Variants in TMTC2 observed in about 807,000 individuals in gnomAD.
TMTC2 encodes transmembrane O-mannosyltransferase targeting cadherins 2, also known as protein O-mannosyl-transferase TMTC2.
In TMTC2, 43 loss-of-function variants were observed where a neutral mutation model predicts 82.4. The ratio of observed to expected loss-of-function variants is 0.52; its 90% CI spans 0.41 to 0.67. The LOEUF (loss-of-function observed/expected upper bound fraction) is 0.67, where lower values mean the gene tolerates loss of function less well. Ranked by LOEUF, TMTC2 falls within the 30% of genes least tolerant of loss-of-function variation. The probability of loss-of-function intolerance (pLI) is 0.00; values close to 1 mark genes in which losing one functional copy is unlikely to be tolerated. For synonymous variants in TMTC2, 408 were observed against 381.9 expected (o/e 1.07, Z -0.80); for missense variants, 919 against 1,012.4 (o/e 0.91, Z 1.25).
intron 9 of TMTC2, among the ~76,000 whole-genome samples, chr12:83,038,392 C>G (rs1188703024): frequency 6.6e-6 from 1 of 152,032 alleles, no homozygotes; most frequent in Non-Finnish European, 1.5e-5. Flanking sequence ...TCAAGCTGCT[C>G]TAACACATAT....
At chr12:83,082,653 G>C (rs887009233) in intron 11 of TMTC2, among the ~76,000 whole-genome samples, 5 of 152,132 alleles carry the variant, frequency 3.3e-5, no homozygotes, top group African/African-American at 1.2e-4. Flanking sequence ...TACAATAACA[G>C]CATCAAATTT....
chr12:83,015,819 C>T (rs1014549384), intron 8 of TMTC2, among the ~76,000 whole-genome samples: 2 of 152,134 alleles, frequency 1.3e-5, no homozygotes, highest in African/African-American at 2.4e-5. Context: ...TGGTCCAGTC[C>T]GGCGATACGC....
chr12:82,704,230 A>G (rs1196510172), intron 1 of TMTC2, among the ~76,000 whole-genome samples: 1 of 152,176 alleles, frequency 6.6e-6, no homozygotes, highest in Non-Finnish European at 1.5e-5. Context: ...TTAAGTTTAA[A>G]TTTTTATTTT....
chr12:82,934,906 C>A (rs950309857), intron 4 of TMTC2, among the ~76,000 whole-genome samples: 3 of 151,932 alleles, frequency 2.0e-5, no homozygotes, highest in Non-Finnish European at 4.4e-5. Flanking sequence ...TTTTAATGAT[C>A]GTCATTGTAA....
rs541167550 is a variant in TMTC2, at chr12:82,801,005, G to A, written c.84-56005G>A. 1.6e-3 allele frequency among the ~76,000 whole-genome samples: 241 copies of A among 152,214 alleles called. 3 individuals carry two copies. The highest frequency in any genetic ancestry group is 4.4e-3 in the South Asian group (21 of 4,818). On this transcript the variant is annotated intron_variant, in intron 1 of 11. Transcript: ENST00000321196. The stretch of plus-strand genomic sequence containing the variant: ...ACTTTTATGTATTTGTTTCTCAACA[G>A]TATTTATTTATAAACCTTTTAAAAA...
intron 1 of TMTC2, among the ~76,000 whole-genome samples, chr12:82,818,321 T>C (rs1868873230): frequency 6.6e-6 from 1 of 152,134 alleles, no homozygotes; most frequent in Non-Finnish European, 1.5e-5. Flanking sequence ...TTCTTCTCAG[T>C]ATAAGTTTTC....
chr12:82,943,409 C>A (rs1450183323), intron 4 of TMTC2, among the ~76,000 whole-genome samples: 2 of 152,134 alleles, frequency 1.3e-5, no homozygotes, highest in Non-Finnish European at 2.9e-5. Context: ...TTTTCCAGAG[C>A]TTTCAAAGTT....
At chr12:82,723,274 T>C (rs951969878) in intron 1 of TMTC2, among the ~76,000 whole-genome samples, 3 of 152,200 alleles carry the variant, frequency 2.0e-5, no homozygotes, top group African/African-American at 7.2e-5. Flanking sequence ...CCAGGGACTC[T>C]CCTAGTGGTT....
At chr12:82,803,794 C>T (rs1033569214) in intron 1 of TMTC2, among the ~76,000 whole-genome samples, 5 of 152,034 alleles carry the variant, frequency 3.3e-5, no homozygotes, top group Non-Finnish European at 7.4e-5. Flanking sequence ...ACATATAAAA[C>T]CCCAAATCAA....
chr12:82,810,202 A>G (rs1879428673), intron 1 of TMTC2, among the ~76,000 whole-genome samples: 1 of 151,000 alleles, frequency 6.6e-6, no homozygotes, highest in Non-Finnish European at 1.5e-5. Flanking sequence ...GCATAGAAAA[A>G]GTGGACTTTT....
intron 2 of TMTC2, among the ~76,000 whole-genome samples, chr12:82,889,241 C>T (rs1330418178): frequency 2.0e-5 from 3 of 150,008 alleles, no homozygotes; most frequent in Non-Finnish European, 4.4e-5. Flanking sequence ...CGTACCATTG[C>T]ACTCCAGCCT....
At chr12:82,993,867 G>A (rs930095750) in intron 8 of TMTC2, among the ~76,000 whole-genome samples, 1 of 152,162 alleles carries the variant, frequency 6.6e-6, no homozygotes, top group Non-Finnish European at 1.5e-5. Context: ...AGGGAGCAAT[G>A]GGCAAGACAG....
chr12:83,061,675 T>A, intron 10 of TMTC2, 93 bp from the exon 11 acceptor site: 1 of 1,172,682 alleles, frequency 8.5e-7, no homozygotes, highest in Non-Finnish European at 1.1e-6. Context: ...TGACCAGAAT[T>A]TTTTTAAAAA....
chr12:82,978,695 A>G (rs1476056875), intron 7 of TMTC2, among the ~76,000 whole-genome samples: 2 of 151,794 alleles, frequency 1.3e-5, no homozygotes, highest in South Asian at 2.1e-4. Context: ...GTAAATATCT[A>G]TTAGATCCAT....
intron 1 of TMTC2, among the ~76,000 whole-genome samples, chr12:82,767,626 G>A (rs1314809198): frequency 1.3e-5 from 2 of 151,972 alleles, no homozygotes; most frequent in Non-Finnish European, 2.9e-5. Context: ...CTGGATGTTG[G>A]TCAGTTTTTA....
At chr12:82,750,543 A>G (rs2136965165) in intron 1 of TMTC2, among the ~76,000 whole-genome samples, 1 of 152,022 alleles carries the variant, frequency 6.6e-6, no homozygotes, top group South Asian at 2.1e-4. Flanking sequence ...TGATATGTAG[A>G]GAGGTTTTTT....
At chr12:82,792,553 A>G (rs781672732) in intron 1 of TMTC2, among the ~76,000 whole-genome samples, 1 of 151,950 alleles carries the variant, frequency 6.6e-6, no homozygotes, top group African/African-American at 2.4e-5. Context: ...TGCAGCCTCA[A>G]CTTCCTGGGG....
At chr12:83,042,203 C>A (rs892273636) in intron 9 of TMTC2, among the ~76,000 whole-genome samples, 1 of 152,196 alleles carries the variant, frequency 6.6e-6, no homozygotes, top group African/African-American at 2.4e-5. Context: ...GATGTTTGGG[C>A]TCTTTGAGCT....
At chr12:83,115,593 A>G (rs1484044435) in intron 11 of TMTC2, among the ~76,000 whole-genome samples, 1 of 152,176 alleles carries the variant, frequency 6.6e-6, no homozygotes, top group Non-Finnish European at 1.5e-5. Context: ...ATTGCATATT[A>G]TAAAAACTGA....
Sources: allele counts gnomAD v4.1 joint callset (sites outside exome capture counted in the v4.1 genomes callset), GRCh38; gene constraint gnomAD v4.1.1; transcripts MANE v1.5; gene names NCBI Gene and HGNC (gene_info 2026-07-23, HGNC 2026-07-21).